WSCD2: variants seen among roughly 807,000 people sequenced by gnomAD.
The protein encoded by WSCD2 is sialate:O-sulfotransferase 2.
WSCD2 carries 28 observed loss-of-function variants against 55.7 expected under a neutral mutation model. The ratio of observed to expected loss-of-function variants is 0.50; its 90% CI spans 0.37 to 0.69. The LOEUF (loss-of-function observed/expected upper bound fraction) is 0.69, where lower values mean the gene tolerates loss of function less well. Among genes scored for constraint, WSCD2 ranks in the 30% least tolerant of loss-of-function variants. The pLI is 0.00. For synonymous variants in WSCD2, 301 were observed against 301.9 expected, an observed-to-expected ratio of 1.00 and a Z score of 0.03; for missense variants, 616 against 762.1, an observed-to-expected ratio of 0.81 and a Z score of 2.26.
intron 4 of WSCD2, 64 bp from the exon 5 acceptor site, chr12:108,224,675 G>T: frequency 6.4e-7 from 1 of 1,560,308 alleles, no homozygotes; most frequent in South Asian, 1.2e-5. Flanking sequence ...TTCAGAATGT[G>T]GTTTTCCCAA....
chr12:108,208,377 C>T (rs1593028668), intron 3 of WSCD2, among the ~76,000 whole-genome samples: 1 of 152,226 alleles, frequency 6.6e-6, no homozygotes, highest in East Asian at 1.9e-4. Flanking sequence ...ATGAGGAAAC[C>T]AGGGTACAGA....
intron 7 of WSCD2, among the ~76,000 whole-genome samples, chr12:108,234,495 G>A (rs879492241): frequency 5.9e-5 from 9 of 152,188 alleles, no homozygotes; most frequent in Non-Finnish European, 5.9e-5. Flanking sequence ...TTCCAGTTTT[G>A]GCTTGAGTGA....
chr12:108,206,179 C>T (rs1170024712), intron 2 of WSCD2, 110 bp from the exon 3 acceptor site: 11 of 854,268 alleles, frequency 1.3e-5, no homozygotes, highest in Non-Finnish European at 1.7e-5. Context: ...AAGGACTTGA[C>T]ATTAAAAGGT....
intron 4 of WSCD2, among the ~76,000 whole-genome samples, chr12:108,218,118 C>T (rs1057082581): frequency 4.6e-5 from 7 of 152,340 alleles, no homozygotes; most frequent in Non-Finnish European, 7.3e-5. Context: ...AAAGTTTATC[C>T]ATGTCCATCT....
intron 1 of WSCD2, among the ~76,000 whole-genome samples, chr12:108,156,158 G>A (rs1004036031): frequency 3.9e-5 from 6 of 152,256 alleles, no homozygotes; most frequent in Non-Finnish European, 7.3e-5. Context: ...GTCAGATGGT[G>A]AGAAGATGAA....
chr12:108,242,297 G>A (rs1182918037), intron 8 of WSCD2, among the ~76,000 whole-genome samples: 1 of 152,236 alleles, frequency 6.6e-6, no homozygotes, highest in African/African-American at 2.4e-5. Flanking sequence ...GTGAGGGGGT[G>A]GAAGCTTGGA....
In WSCD2 at chr12:108,196,219, G is replaced by A; in HGVS notation, c.382+5G>A. 6.2e-7 allele frequency: 1 copy of A among 1,609,806 alleles called. No homozygotes were observed. The highest frequency in any genetic ancestry group is 8.5e-7 in the Non-Finnish European group (1 of 1,177,828). ...GGGAGAAGGAGGAAGAGCGAGGTAAGAGCGAGGAACATCTGGACACTGAGG... is the reference window on the plus strand; with the variant it reads ...GGGAGAAGGAGGAAGAGCGAGGTAAAAGCGAGGAACATCTGGACACTGAGG... On this transcript the variant is annotated splice_donor_5th_base_variant and intron_variant, in intron 2 of 8. Coordinates refer to ENST00000547525, the MANE Select transcript of WSCD2 (RefSeq NM_014653.4).
At chr12:108,238,355 A>T (rs1388179042) in intron 7 of WSCD2, among the ~76,000 whole-genome samples, 1 of 152,236 alleles carries the variant, frequency 6.6e-6, no homozygotes, top group Non-Finnish European at 1.5e-5. Context: ...AAGAAATCAC[A>T]TTCCATTCTT....
rs41314123 is a variant in WSCD2 at position 108,206,203 on chromosome 12, T to A, written c.383-86T>A. The A allele has an allele frequency of 1.6e-5, 18 of 1,104,610 alleles. No homozygotes were observed. In the Admixed American group the frequency reaches 2.0e-4, roughly 12 times the overall value. 68.4% of individuals were successfully genotyped at this position (1,104,610 alleles called of 1,614,324 possible). A position where few individuals can be genotyped will look rare whatever the true frequency, so the allele number is the denominator to read the frequency against. On this transcript the variant is annotated intron_variant, in intron 2 of 8. Transcript: ENST00000547525. ...ACATTAAAAGGTCAACAAGGTCACA[T>A]AACCAGAGACACATTGGTGAGGCTT...
intron 1 of WSCD2, 122 bp downstream of exon 1, chr12:108,130,048 T>C (rs912075575): frequency 3.9e-5 from 6 of 152,178 alleles, no homozygotes; most frequent in Admixed American, 3.3e-4. Context: ...TCCCCGCAGG[T>C]TGGGGGCTCG....
At chr12:108,184,174 G>C (rs983814147) in intron 1 of WSCD2, among the ~76,000 whole-genome samples, 1 of 152,082 alleles carries the variant, frequency 6.6e-6, no homozygotes, top group African/African-American at 2.4e-5. Flanking sequence ...TGATGGCTGT[G>C]AGCCCACCTC....
chr12:108,232,817 T>C lies in WSCD2; in HGVS notation c.1066T>C (p.Trp356Arg). 3 of 1,614,128 alleles carry C rather than the reference T, an allele frequency of 1.9e-6. No individual in the cohort carries two copies. Among genetic ancestry groups the C allele is most frequent in the Non-Finnish European group, 2.5e-6 (3 of 1,180,020 alleles). Reference protein sequence around the residue: ...LASFPGAGNTWARHLIELATG... With the variant: ...LASFPGAGNTRARHLIELATG... The stretch of plus-strand genomic sequence containing the variant: ...CAGCTTCCCAGGTGCTGGCAACACG[T>C]GGGCTCGCCACCTCATTGAATTGGC... The change falls in exon 7 of 9, where the codon TGG becomes CGG. Residue 356 changes from tryptophan (W) to arginine (R), a missense_variant. Trp to Arg is a moderately radical substitution (Grantham distance 101). This residue lies in a region of WSCD2 where 8 missense variants were observed against 30.1 expected (regional missense o/e 0.27). Transcript: ENST00000547525.
rs538604339 is a variant in WSCD2 at position 108,194,739 on chromosome 12, T to A, written c.-551-543T>A. Among the ~76,000 whole-genome samples, 6 of 152,322 alleles carry A rather than the reference T, an allele frequency of 3.9e-5. No individual in the cohort carries two copies. The East Asian group carries it at 9.7e-4, about 25-fold the overall frequency. ...ATGGATTTTATTTCTCCCACTAGAA[T>A]GTGAGCTCTATGAAAGAGGGGATTT... On this transcript the variant is annotated intron_variant, in intron 1 of 8. Transcript: ENST00000547525.
chr12:108,154,730 A>G (rs1035646389), intron 1 of WSCD2, among the ~76,000 whole-genome samples: 6 of 152,180 alleles, frequency 3.9e-5, no homozygotes, highest in African/African-American at 9.7e-5. Context: ...TCGGATTAAT[A>G]ATGTCCACAA....
chr12:108,148,455 T>C (rs1555222968), intron 1 of WSCD2, among the ~76,000 whole-genome samples: 2 of 152,136 alleles, frequency 1.3e-5, no homozygotes, highest in Non-Finnish European at 2.9e-5. Flanking sequence ...GCTGGGACAA[T>C]GGCGGTGGGT....
intron 8 of WSCD2, among the ~76,000 whole-genome samples, chr12:108,247,498 G>T (rs867311315): frequency 6.6e-6 from 1 of 152,134 alleles, no homozygotes; most frequent in East Asian, 1.9e-4. Flanking sequence ...ACAGCATTGA[G>T]GTGAGAAGTA....
intron 1 of WSCD2, among the ~76,000 whole-genome samples, chr12:108,159,935 C>T (rs1878894024): frequency 6.6e-6 from 1 of 152,206 alleles, no homozygotes; most frequent in African/African-American, 2.4e-5. Flanking sequence ...CCTGAGGTTT[C>T]CCCCTGTGCT....
chr12:108,182,372 C>T (rs1283120075), intron 1 of WSCD2, among the ~76,000 whole-genome samples: 1 of 152,168 alleles, frequency 6.6e-6, no homozygotes, highest in Non-Finnish European at 1.5e-5. Context: ...TCAACTTTGA[C>T]ATGGGAGATG....
At chr12:108,234,478 T>G (rs1425106946) in intron 7 of WSCD2, among the ~76,000 whole-genome samples, 1 of 152,212 alleles carries the variant, frequency 6.6e-6, no homozygotes, top group Non-Finnish European at 1.5e-5. Context: ...TTTATATATT[T>G]ATTAATTTCC....
Sources: gnomAD v4.1 joint callset for allele counts (sites outside exome capture counted in the v4.1 genomes callset) on GRCh38, gnomAD v4.1.1 for gene constraint, gnomAD v4.1.1 regional missense constraint, MANE v1.5 for transcripts, NCBI Gene and HGNC (gene_info 2026-07-23, HGNC 2026-07-21) for gene names.